The following THSD7A variants were observed in gnomAD, a reference collection of about 807,000 sequenced individuals.
THSD7A encodes thrombospondin type-1 domain-containing protein 7A.
A neutral mutation model predicts 231.3 loss-of-function variants in THSD7A; 96 were observed. The observed-to-expected ratio is 0.41, with a 90% confidence interval of 0.35 to 0.49. The LOEUF (loss-of-function observed/expected upper bound fraction) is 0.49. THSD7A is among the 20% of genes least tolerant of loss of function. The pLI, the probability that THSD7A is intolerant of heterozygous loss-of-function variation, is 0.05. For missense variants in THSD7A, 2,290 were observed against 2,070.2 expected, an observed-to-expected ratio of 1.11 and a Z score of -2.06; for synonymous variants, 940 against 743.3, an observed-to-expected ratio of 1.26 and a Z score of -4.30.
intron 1 of THSD7A, among the ~76,000 whole-genome samples, chr7:11,744,932 T>A (rs13312591): frequency 3.3e-5 from 5 of 151,856 alleles, no homozygotes; most frequent in East Asian, 3.9e-4. Context: ...TAGCAGCATG[T>A]TTTATAATCC....
At chr7:11,822,464 A>C (rs1169092620) in intron 1 of THSD7A, among the ~76,000 whole-genome samples, 3 of 152,100 alleles carry the variant, frequency 2.0e-5, no homozygotes, top group African/African-American at 7.2e-5. Context: ...ATGGACACTT[A>C]GGTTGATTCC....
At position 11,379,609 on chromosome 7, in the gene THSD7A, C is replaced by T. The variant is rs750916705; in HGVS notation, c.4590+21G>A. On this transcript the variant is annotated intron_variant, in intron 25 of 27. Transcript: ENST00000423059. Reference sequence around the variant, plus strand: ...ACACATGATGGAGCTGGCTTGTCTGCCCTGATGAATTTTCACATACCTCGC... The same window carrying T: ...ACACATGATGGAGCTGGCTTGTCTGTCCTGATGAATTTTCACATACCTCGC... The T allele has an allele frequency of 2.0e-5, 31 of 1,562,568 alleles. No individual in the cohort carries two copies. The African/African-American group carries it at 2.9e-4, about 14-fold the overall frequency.
chr7:11,725,948 A>C (rs1188563144), intron 1 of THSD7A, among the ~76,000 whole-genome samples: 2 of 152,070 alleles, frequency 1.3e-5, no homozygotes, highest in Non-Finnish European at 2.9e-5. Flanking sequence ...ATTGAAAATA[A>C]CTTGGAAAAT....
intron 11 of THSD7A, among the ~76,000 whole-genome samples, chr7:11,448,117 T>C (rs894095731): frequency 4.6e-5 from 7 of 152,186 alleles, no homozygotes; most frequent in Admixed American, 1.3e-4. Flanking sequence ...TTAAAAATTT[T>C]CAATAATCTT....
At chr7:11,578,247 C>T (rs1023279397) in intron 4 of THSD7A, among the ~76,000 whole-genome samples, 1 of 152,062 alleles carries the variant, frequency 6.6e-6, no homozygotes, top group Non-Finnish European at 1.5e-5. Flanking sequence ...ATTCATTTGG[C>T]ATATAATAAA....
intron 6 of THSD7A, among the ~76,000 whole-genome samples, chr7:11,483,175 T>C (rs1226318984): frequency 2.0e-5 from 3 of 152,214 alleles, no homozygotes; most frequent in African/African-American, 7.2e-5. Context: ...GTCCAAGCTG[T>C]TTCTCACTTG....
chr7:11,814,855 T>C lies in THSD7A; in HGVS notation c.190+16902A>G, dbSNP rs1286694540. On this transcript the variant is annotated intron_variant, in intron 1 of 27. Transcript: ENST00000423059. The surrounding 1 kb of genome is among the most constrained non-coding windows in gnomAD (Gnocchi z 5.1). ...AAAAGAAGCTGTTTGATAAGAGTGA[T>C]TGGATCTTCTGATCTTTGCTGCATT... 2.6e-5 allele frequency among the ~76,000 whole-genome samples: 4 copies of C among 152,164 alleles called. No homozygotes were observed. The highest frequency in any genetic ancestry group is 6.5e-5 in the Admixed American group (1 of 15,270).
chr7:11,598,371 C>A (rs1330864405), intron 2 of THSD7A, among the ~76,000 whole-genome samples: 1 of 152,156 alleles, frequency 6.6e-6, no homozygotes, highest in Non-Finnish European at 1.5e-5. Flanking sequence ...TTTTAATAAT[C>A]AAGTGGATAG....
chr7:11,598,197 T>A lies in THSD7A; in HGVS notation c.1023-4695A>T, dbSNP rs1372297747. 3.3e-5 allele frequency among the ~76,000 whole-genome samples: 5 copies of A among 152,272 alleles called. 1 individual carries two copies. The East Asian group carries it at 7.7e-4, about 24-fold the overall frequency. On this transcript the variant is annotated intron_variant, in intron 2 of 27. Coordinates refer to ENST00000423059, the MANE Select transcript of THSD7A (RefSeq NM_015204.3). Reference sequence around the variant, plus strand: ...TGATTCATTGGCTGTAGCCAATGGTTTGGCTGGATGGTCAGGGACTTGGAA... The same window carrying A: ...TGATTCATTGGCTGTAGCCAATGGTATGGCTGGATGGTCAGGGACTTGGAA...
At chr7:11,644,821 C>T (rs148173519) in intron 1 of THSD7A, among the ~76,000 whole-genome samples, 3 of 151,942 alleles carry the variant, frequency 2.0e-5, no homozygotes, top group African/African-American at 4.8e-5. Context: ...ACGATATCCT[C>T]TCATAACACT....
intron 7 of THSD7A, among the ~76,000 whole-genome samples, chr7:11,476,598 C>A (rs1027681704): frequency 2.8e-4 from 43 of 152,132 alleles, no homozygotes; most frequent in African/African-American, 9.9e-4. Context: ...GGGCAGATTG[C>A]CTGAGCTCAG....
rs1414857805 is a variant in THSD7A at position 11,524,514 on chromosome 7, A to G, written c.1822+16905T>C. 2.0e-5 allele frequency among the ~76,000 whole-genome samples: 3 copies of G among 152,194 alleles called. No homozygotes were observed. In the East Asian group the frequency reaches 5.8e-4, roughly 29 times the overall value. ...AACTAATTCCCTTCGGATGAATAAT[A>G]TTTTTTGGATGGTTCGACTTTAAAA... is the stretch of plus-strand genomic sequence containing the variant. On this transcript the variant is annotated intron_variant, in intron 6 of 27. Coordinates refer to ENST00000423059, the MANE Select transcript of THSD7A (RefSeq NM_015204.3).
chr7:11,547,591 T>C (rs74910912), intron 4 of THSD7A, among the ~76,000 whole-genome samples: 3,390 of 152,276 alleles, frequency 0.022, 110 homozygotes, highest in African/African-American at 0.077. Flanking sequence ...ATTGACCATA[T>C]GCTTGAACAT....
chr7:11,616,010 A>G (rs1175919774), intron 2 of THSD7A, among the ~76,000 whole-genome samples: 1 of 152,330 alleles, frequency 6.6e-6, no homozygotes, highest in African/African-American at 2.4e-5. Context: ...GTAATTTTTA[A>G]AAACAATTAT....
intron 4 of THSD7A, among the ~76,000 whole-genome samples, chr7:11,554,618 T>G (rs144604260): frequency 6.6e-5 from 10 of 152,130 alleles, no homozygotes; most frequent in African/African-American, 2.4e-4. Context: ...TGGAGTAGGC[T>G]TGCATCCTTG....
At chr7:11,423,431 C>T (rs1010086383) in intron 16 of THSD7A, among the ~76,000 whole-genome samples, 2 of 147,100 alleles carry the variant, frequency 1.4e-5, no homozygotes, top group Admixed American at 6.9e-5. Flanking sequence ...TGCAGTGGCG[C>T]GATCTCGGCT....
At chr7:11,782,674 A>G (rs1337884361) in intron 1 of THSD7A, among the ~76,000 whole-genome samples, 1 of 152,170 alleles carries the variant, frequency 6.6e-6, no homozygotes, top group Non-Finnish European at 1.5e-5. Flanking sequence ...GCAGAATATA[A>G]TTATAAAATA....
rs1336410049 is a variant in THSD7A, at chr7:11,636,654, G to GTCT, written c.495_497dup (p.Lys165_Asp166insGlu). 6.2e-7 allele frequency: 1 copy of GTCT among 1,613,874 alleles called. No individual in the cohort carries two copies. The highest frequency in any genetic ancestry group is 2.2e-5 in the East Asian group (1 of 44,888). The stretch of plus-strand genomic sequence containing the variant: ...CACAGATGATATCCTCCGCAGGAAT[G>GTCT]TCTTTGTCTTTCTGGATGCACGCTA... On this transcript the variant is annotated inframe_insertion, in exon 2 of 28. Coordinates refer to ENST00000423059, the MANE Select transcript of THSD7A (RefSeq NM_015204.3). The surrounding 1 kb of genome is among the most constrained non-coding windows in gnomAD (Gnocchi z 10.0).
Position 11,777,975 on chromosome 7 carries a change from C to A in THSD7A, c.190+53782G>T, listed in dbSNP as rs1783477705. Among the ~76,000 whole-genome samples the A allele has an allele frequency of 2.1e-5, 3 of 139,962 alleles. No homozygotes were observed. In the South Asian group the frequency reaches 7.2e-4, roughly 34 times the overall value. 91.8% of individuals were successfully genotyped at this position (139,962 alleles called of 152,430 possible). On this transcript the variant is annotated intron_variant, in intron 1 of 27. Coordinates refer to ENST00000423059, the MANE Select transcript of THSD7A (RefSeq NM_015204.3). ...CCATCCCGGCTAAAACGGTGAAACC[C>A]CGTCTCTACTAAAAATACAAAAAAA...
Sources: gnomAD v4.1 joint callset for allele counts (sites outside exome capture counted in the v4.1 genomes callset) on GRCh38, gnomAD v4.1.1 for gene constraint, Gnocchi (gnomAD v3.1) non-coding constraint, MANE v1.5 for transcripts, NCBI Gene and HGNC (gene_info 2026-07-23, HGNC 2026-07-21) for gene names.